TMTC2: variants seen among roughly 807,000 people sequenced by gnomAD.
The protein encoded by TMTC2 is protein O-mannosyl-transferase TMTC2.
TMTC2 carries 43 observed loss-of-function variants against 82.4 expected under a neutral mutation model. The observed-to-expected ratio is 0.52, with a 90% CI of 0.41 to 0.67. The LOEUF (loss-of-function observed/expected upper bound fraction) is 0.67, where lower values mean the gene tolerates loss of function less well. Among genes scored for constraint, TMTC2 ranks in the 30% least tolerant of loss-of-function variants. The pLI is 0.00. For synonymous variants in TMTC2, 408 were observed against 381.9 expected (o/e 1.07, Z -0.80); for missense variants, 919 against 1,012.4 (o/e 0.91, Z 1.25).
intron 1 of TMTC2, among the ~76,000 whole-genome samples, chr12:82,851,770 CT>C (rs1366391052): frequency 1.3e-5 from 2 of 152,032 alleles, no homozygotes; most frequent in African/African-American, 4.8e-5. Context: ...CCTTTGCTTA[CT>C]TTCAAGTAGA....
At chr12:82,745,156 C>T (rs1363184916) in intron 1 of TMTC2, among the ~76,000 whole-genome samples, 1 of 152,002 alleles carries the variant, frequency 6.6e-6, no homozygotes, top group Non-Finnish European at 1.5e-5. Context: ...CCCTTCTCTT[C>T]GTGTGTGTGC....
chr12:82,986,299 T>A lies in TMTC2; in HGVS notation c.2070+253T>A, dbSNP rs796146823. On this transcript the variant is annotated intron_variant, in intron 8 of 11. Transcript: ENST00000321196. ...GATAATATGTGAGATGTCTGTATCT[T>A]ACATCTTGGTCTAGATAAGATGTGA... is the stretch of plus-strand genomic sequence containing the variant. 6 of 425,108 alleles carry A rather than the reference T, an allele frequency of 1.4e-5. 1 individual carries two copies. Among genetic ancestry groups the A allele is most frequent in the African/African-American group, 1.2e-4 (6 of 50,644 alleles). 26.3% of individuals were successfully genotyped at this position (425,108 alleles called of 1,614,324 possible). A position where few individuals can be genotyped will look rare whatever the true frequency, so the allele number is the denominator to read the frequency against.
At chr12:82,690,409 A>G (rs17009851) in intron 1 of TMTC2, 131,906 of 984,330 alleles carry the variant, frequency 0.13, 9,620 homozygotes, top group East Asian at 0.36. Context: ...TTGCTTAACT[A>G]AATCATTATT....
At chr12:82,948,210 G>A (rs1487286788) in intron 4 of TMTC2, among the ~76,000 whole-genome samples, 1 of 151,998 alleles carries the variant, frequency 6.6e-6, no homozygotes, top group African/African-American at 2.4e-5. Context: ...TATTTAAAAA[G>A]CAAAAATAGC....
chr12:83,115,857 G>A (rs1239604452), intron 11 of TMTC2, among the ~76,000 whole-genome samples: 2 of 151,936 alleles, frequency 1.3e-5, no homozygotes, highest in African/African-American at 4.8e-5. Flanking sequence ...GCACGAGCTC[G>A]GCTCACTGCA....
chr12:82,987,302 T>C (rs1451132298), intron 8 of TMTC2, among the ~76,000 whole-genome samples: 1 of 151,416 alleles, frequency 6.6e-6, no homozygotes, highest in Non-Finnish European at 1.5e-5. Context: ...TGCGTCCCTG[T>C]TATCCCAGCT....
chr12:82,842,262 AT>A, intron 1 of TMTC2, among the ~76,000 whole-genome samples: 1 of 152,188 alleles, frequency 6.6e-6, no homozygotes, highest in East Asian at 1.9e-4. Flanking sequence ...AACTTTGTCA[AT>A]CTCAATGTAA....
At chr12:83,103,062 AG>A (rs963703482) in intron 11 of TMTC2, among the ~76,000 whole-genome samples, 3 of 152,160 alleles carry the variant, frequency 2.0e-5, no homozygotes, top group Admixed American at 6.5e-5. Flanking sequence ...GGCAAGGAAG[AG>A]GGGGTTGGCA....
intron 3 of TMTC2, among the ~76,000 whole-genome samples, chr12:82,927,462 C>T (rs1875785362): frequency 6.6e-6 from 1 of 152,172 alleles, no homozygotes; most frequent in African/African-American, 2.4e-5. Context: ...CAGTCTACTC[C>T]TGGTGACCAT....
intron 9 of TMTC2, among the ~76,000 whole-genome samples, chr12:83,039,446 A>G (rs1881805245): frequency 6.6e-6 from 1 of 150,466 alleles, no homozygotes; most frequent in Admixed American, 6.6e-5. Context: ...TGATGAATAT[A>G]TTATATATTT....
intron 9 of TMTC2, among the ~76,000 whole-genome samples, chr12:83,043,067 A>C (rs1241317412): frequency 1.3e-5 from 2 of 152,230 alleles, no homozygotes; most frequent in Non-Finnish European, 2.9e-5. Context: ...AAAAACACAA[A>C]GCAACAAAAC....
chr12:82,778,065 TC>T (rs1877691059), intron 1 of TMTC2, among the ~76,000 whole-genome samples: 1 of 118,808 alleles, frequency 8.4e-6, no homozygotes, highest in African/African-American at 3.1e-5. Context: ...AGATTACTCT[TC>T]GCATTGTAAA....
chr12:82,831,670 TTGG>T (rs1005854012), intron 1 of TMTC2, among the ~76,000 whole-genome samples: 4 of 151,972 alleles, frequency 2.6e-5, no homozygotes, highest in African/African-American at 9.7e-5. Context: ...AATCAGATTA[TTGG>T]TGGTGGTGGT....
At chr12:82,826,809 G>C (rs765042459) in intron 1 of TMTC2, among the ~76,000 whole-genome samples, 3 of 152,178 alleles carry the variant, frequency 2.0e-5, no homozygotes, top group Non-Finnish European at 2.9e-5. Flanking sequence ...AAACAAATCT[G>C]TGAGAACCTT....
rs550429184 is a variant in TMTC2 at position 82,799,427 on chromosome 12, T to C, written c.84-57583T>C. On this transcript the variant is annotated intron_variant, in intron 1 of 11. Coordinates refer to ENST00000321196, the MANE Select transcript of TMTC2 (RefSeq NM_152588.3). The stretch of plus-strand genomic sequence containing the variant: ...AGAAAGATGCCCTTTCTCTCACTAC[T>C]GTAAGTCACATATCTCTGAGATTTT... Among the ~76,000 whole-genome samples the C allele has an allele frequency of 2.6e-5, 4 of 152,294 alleles. No homozygotes were observed. In the South Asian group the frequency reaches 8.3e-4, roughly 32 times the overall value.
At chr12:82,722,566 CAAAAAAAAA>C (rs772607761) in intron 1 of TMTC2, among the ~76,000 whole-genome samples, 3 of 44,396 alleles carry the variant, frequency 6.8e-5, no homozygotes, top group Non-Finnish European at 1.1e-4. Context: ...GACTCCATCT[CAAAAAAAAA>C]AAAAAAAAAA....
At chr12:82,802,301 G>T (rs11615627) in intron 1 of TMTC2, among the ~76,000 whole-genome samples, 1 of 152,142 alleles carries the variant, frequency 6.6e-6, no homozygotes, top group South Asian at 2.1e-4. Flanking sequence ...CCACCCGTGC[G>T]CAGCCCTTGT....
At chr12:83,093,991 G>A (rs1012935851) in intron 11 of TMTC2, among the ~76,000 whole-genome samples, 2 of 152,194 alleles carry the variant, frequency 1.3e-5, no homozygotes, top group Non-Finnish European at 2.9e-5. Flanking sequence ...TGAATGGAGG[G>A]AACTAATGTA....
At chr12:83,118,890 G>C (rs943811464) in intron 11 of TMTC2, among the ~76,000 whole-genome samples, 3 of 152,118 alleles carry the variant, frequency 2.0e-5, no homozygotes, top group Non-Finnish European at 4.4e-5. Context: ...TAGGAGAGCT[G>C]TATCTTTCCA....
Sources: gnomAD v4.1 joint callset for allele counts (sites outside exome capture counted in the v4.1 genomes callset) on GRCh38, gnomAD v4.1.1 for gene constraint, MANE v1.5 for transcripts, NCBI Gene and HGNC (gene_info 2026-07-23, HGNC 2026-07-21) for gene names.